The following DEPTOR variants were observed in gnomAD, a reference collection of about 807,000 sequenced individuals.
DEPTOR encodes the protein DEP domain-containing mTOR-interacting protein.
Under a neutral mutation model 41.6 loss-of-function variants are expected in DEPTOR, and 41 were observed. The ratio of observed to expected loss-of-function variants is 0.98; its 90% CI spans 0.77 to 1.28. DEPTOR has a LOEUF of 1.28. DEPTOR is among the 50% of genes most tolerant of loss of function. The pLI is 0.00. For synonymous variants in DEPTOR, 195 were observed against 192.3 expected, an observed-to-expected ratio of 1.01 and a Z score of -0.12; for missense variants, 514 against 527.9, an observed-to-expected ratio of 0.97 and a Z score of 0.26.
At chr8:119,880,590 T>C (rs1169143617) in intron 1 of DEPTOR, among the ~76,000 whole-genome samples, 1 of 152,228 alleles carries the variant, frequency 6.6e-6, no homozygotes, top group Non-Finnish European at 1.5e-5. Context: ...ACAACTTTGG[T>C]AAATAAAAAA....
At chr8:119,914,976 TA>T (rs1194478691) in intron 1 of DEPTOR, among the ~76,000 whole-genome samples, 1 of 152,106 alleles carries the variant, frequency 6.6e-6, no homozygotes, top group South Asian at 2.1e-4. Context: ...GCAATATTAT[TA>T]TTTTTTTTGA....
chr8:119,939,057 CA>C (rs1002472576), intron 3 of DEPTOR, among the ~76,000 whole-genome samples: 1 of 151,938 alleles, frequency 6.6e-6, no homozygotes, highest in African/African-American at 2.4e-5. Flanking sequence ...ATTTGCCCAT[CA>C]GGGGTCTTGG....
At chr8:119,879,016 A>G (rs560881984) in intron 1 of DEPTOR, among the ~76,000 whole-genome samples, 2 of 152,128 alleles carry the variant, frequency 1.3e-5, no homozygotes, top group South Asian at 4.1e-4. Flanking sequence ...AGTCTAAGGC[A>G]GGAGAATTGC....
At chr8:119,925,818 T>G (rs1827956865) in intron 1 of DEPTOR, among the ~76,000 whole-genome samples, 1 of 152,096 alleles carries the variant, frequency 6.6e-6, no homozygotes, top group Admixed American at 6.6e-5. Context: ...AGAGACGGGG[T>G]TTCACCATGT....
intron 8 of DEPTOR, among the ~76,000 whole-genome samples, chr8:120,035,898 T>C (rs1414001798): frequency 6.6e-6 from 1 of 152,180 alleles, no homozygotes; most frequent in Non-Finnish European, 1.5e-5. Flanking sequence ...CTGTCCTTAA[T>C]GCAAGCAGCC....
At chr8:119,967,958 C>G (rs976467647) in intron 4 of DEPTOR, among the ~76,000 whole-genome samples, 1 of 152,080 alleles carries the variant, frequency 6.6e-6, no homozygotes, top group African/African-American at 2.4e-5. Context: ...TTCCAGGCTG[C>G]TTTCTCCTGT....
At chr8:120,024,660 G>A (rs563154564) in intron 8 of DEPTOR, among the ~76,000 whole-genome samples, 5 of 152,256 alleles carry the variant, frequency 3.3e-5, no homozygotes, top group Middle Eastern at 3.4e-3. Context: ...GGAGTGCCAG[G>A]GATTGTGGGC....
At chr8:120,044,245 C>A (rs1008335483) in intron 8 of DEPTOR, among the ~76,000 whole-genome samples, 5 of 151,826 alleles carry the variant, frequency 3.3e-5, no homozygotes, top group Admixed American at 6.6e-5. Flanking sequence ...CCTGCCTCAG[C>A]CTCGCAAGTA....
chr8:120,017,040 G>A (rs1812623546), intron 8 of DEPTOR, among the ~76,000 whole-genome samples: 1 of 152,172 alleles, frequency 6.6e-6, no homozygotes. Context: ...CTCAACGGCT[G>A]TCTAAATGTA....
At chr8:120,011,094 C>T (rs77906704) in intron 8 of DEPTOR, among the ~76,000 whole-genome samples, 3 of 152,306 alleles carry the variant, frequency 2.0e-5, no homozygotes, top group East Asian at 1.9e-4. Flanking sequence ...TGATTGGGAT[C>T]GCCACCTCTC....
chr8:119,956,228 C>T lies in DEPTOR; in HGVS notation c.426-9004C>T, dbSNP rs145252277. On this transcript the variant is annotated intron_variant, in intron 3 of 8. Transcript: ENST00000286234. ...AAGTCAAACTCTTGCTTTAACATTG[C>T]GACTACATATTAATCCTAAAATAAA... Among the ~76,000 whole-genome samples, 311 of 152,248 alleles carry T rather than the reference C, an allele frequency of 2.0e-3. 2 individuals carry two copies. Among genetic ancestry groups the T allele is most frequent in the African/African-American group, 6.8e-3 (283 of 41,544 alleles).
chr8:119,956,512 A>G (rs1828418113), intron 3 of DEPTOR, among the ~76,000 whole-genome samples: 1 of 152,118 alleles, frequency 6.6e-6, no homozygotes, highest in Non-Finnish European at 1.5e-5. Context: ...TTCTAGTTAC[A>G]AGAAATGACA....
At chr8:120,020,791 G>A (rs1812691673) in intron 8 of DEPTOR, among the ~76,000 whole-genome samples, 2 of 152,150 alleles carry the variant, frequency 1.3e-5, no homozygotes, top group African/African-American at 4.8e-5. Context: ...AGACACGGTG[G>A]CTCATTTCTG....
intron 3 of DEPTOR, among the ~76,000 whole-genome samples, chr8:119,946,092 T>G (rs1828268414): frequency 6.6e-6 from 1 of 152,252 alleles, no homozygotes; most frequent in African/African-American, 2.4e-5. Context: ...CTTGCTTTGT[T>G]TGCTAAATGA....
At chr8:119,977,478 C>T (rs1304502014) in intron 4 of DEPTOR, among the ~76,000 whole-genome samples, 2 of 152,160 alleles carry the variant, frequency 1.3e-5, no homozygotes, top group African/African-American at 4.8e-5. Context: ...GTAATCTAAT[C>T]TAATTTTTTA....
intron 3 of DEPTOR, among the ~76,000 whole-genome samples, chr8:119,941,364 TCTC>T (rs1278297034): frequency 2.0e-4 from 18 of 88,416 alleles, no homozygotes; most frequent in Non-Finnish European, 2.9e-4. Context: ...CAAGAGCAAA[TCTC>T]CATCTCAAAA....
intron 3 of DEPTOR, among the ~76,000 whole-genome samples, chr8:119,950,677 A>G (rs891529828): frequency 1.3e-5 from 2 of 151,670 alleles, no homozygotes; most frequent in African/African-American, 2.4e-5. Flanking sequence ...GCTCATTGCA[A>G]TCTCCGCCTC....
chr8:120,005,481 A>C (rs1266719854), intron 6 of DEPTOR, among the ~76,000 whole-genome samples: 3 of 151,982 alleles, frequency 2.0e-5, no homozygotes, highest in Non-Finnish European at 2.9e-5. Context: ...CTGGTAGATC[A>C]TCACGCCTTG....
chr8:119,906,595 C>A (rs1827667171), intron 1 of DEPTOR, among the ~76,000 whole-genome samples: 1 of 152,168 alleles, frequency 6.6e-6, no homozygotes, highest in African/African-American at 2.4e-5. Context: ...AGAGGCCAGG[C>A]CTGTCAGATT....
Sources: gnomAD v4.1 joint callset for allele counts (sites outside exome capture counted in the v4.1 genomes callset) on GRCh38, gnomAD v4.1.1 for gene constraint, MANE v1.5 for transcripts, NCBI Gene and HGNC (gene_info 2026-07-23, HGNC 2026-07-21) for gene names.